Variants in BMERB1 observed in about 807,000 individuals in gnomAD.
The protein encoded by BMERB1 is bMERB domain-containing protein 1.
A neutral mutation model predicts 23.6 loss-of-function variants in BMERB1; 12 were observed. That is an observed-to-expected ratio of 0.51 (90% confidence interval 0.33 to 0.82). The LOEUF (loss-of-function observed/expected upper bound fraction) is 0.82. Ranked by LOEUF, BMERB1 falls within the 40% of genes least tolerant of loss-of-function variation. BMERB1 has a pLI of 0.03. For synonymous variants in BMERB1, 122 were observed against 96.6 expected (o/e 1.26, Z -1.54); for missense variants, 247 against 255.4 (o/e 0.97, Z 0.22).
intron 1 of BMERB1, among the ~76,000 whole-genome samples, chr16:15,461,697 T>C (rs1367921880): frequency 6.6e-6 from 1 of 151,238 alleles, no homozygotes; most frequent in Non-Finnish European, 1.5e-5. Context: ...ACAAGGCAGG[T>C]GGATTGCTTG....
At chr16:15,584,288 G>T in intron 5 of BMERB1, 1 of 433,792 alleles carries the variant, frequency 2.3e-6, no homozygotes, top group Non-Finnish European at 4.1e-6. Context: ...GGCTGGGCGC[G>T]GTGGCTCACG....
intron 1 of BMERB1, among the ~76,000 whole-genome samples, chr16:15,483,461 C>T (rs1324102430): frequency 6.6e-6 from 1 of 152,118 alleles, no homozygotes; most frequent in African/African-American, 2.4e-5. Context: ...CTCACTGCAA[C>T]CTCTGCCTCC....
chr16:15,514,374 A>C (rs923988767), intron 1 of BMERB1, among the ~76,000 whole-genome samples: 1 of 152,148 alleles, frequency 6.6e-6, no homozygotes, highest in African/African-American at 2.4e-5. Flanking sequence ...AGAGGCTTAG[A>C]CCACAGGGCA....
intron 1 of BMERB1, among the ~76,000 whole-genome samples, chr16:15,436,549 C>T (rs2150919017): frequency 6.6e-6 from 1 of 152,118 alleles, no homozygotes; most frequent in Non-Finnish European, 1.5e-5. Flanking sequence ...GTGAGGCACC[C>T]CACCTGCCCT....
chr16:15,516,982 C>G (rs543416211), intron 2 of BMERB1, among the ~76,000 whole-genome samples: 3 of 152,170 alleles, frequency 2.0e-5, no homozygotes, highest in African/African-American at 7.2e-5. Flanking sequence ...CCTTCCCTCT[C>G]GCCACATAAA....
At chr16:15,509,530 C>T (rs941879030) in intron 1 of BMERB1, among the ~76,000 whole-genome samples, 2 of 152,140 alleles carry the variant, frequency 1.3e-5, no homozygotes, top group African/African-American at 4.8e-5. Flanking sequence ...AGGAAAGTGA[C>T]GCAAAGACAT....
intron 2 of BMERB1, among the ~76,000 whole-genome samples, chr16:15,555,298 T>G (rs538467695): frequency 2.0e-5 from 3 of 152,250 alleles, no homozygotes; most frequent in African/African-American, 7.2e-5. Context: ...AATCTCGAAC[T>G]CCTGGACTCT....
intron 1 of BMERB1, among the ~76,000 whole-genome samples, chr16:15,465,203 A>G (rs1239484503): frequency 1.3e-5 from 2 of 152,136 alleles, no homozygotes; most frequent in Admixed American, 1.3e-4. Context: ...TCACTGGGGA[A>G]CATTGGGTGA....
intron 2 of BMERB1, among the ~76,000 whole-genome samples, chr16:15,527,606 AAAAAT>A (rs1248221799): frequency 4.6e-5 from 7 of 152,260 alleles, no homozygotes; most frequent in East Asian, 1.9e-4. Context: ...ATCCGTCTCA[AAAAAT>A]AAAATAAAAA....
At chr16:15,567,711 C>T (rs371147921) in intron 2 of BMERB1, among the ~76,000 whole-genome samples, 11 of 151,828 alleles carry the variant, frequency 7.2e-5, no homozygotes, top group African/African-American at 2.2e-4. Context: ...TGCGGTGAGC[C>T]GAGATCATGC....
rs192384218 is a variant in BMERB1, at chr16:15,580,596, A to G, written c.305-621A>G. 6.1e-3 allele frequency among the ~76,000 whole-genome samples: 871 copies of G among 143,298 alleles called. 12 individuals carry two copies. The highest frequency in any genetic ancestry group is 7.9e-3 in the Non-Finnish European group (524 of 66,640). 94.0% of individuals were successfully genotyped at this position (143,298 alleles called of 152,430 possible). On this transcript the variant is annotated intron_variant, in intron 3 of 5. Coordinates refer to ENST00000300006, the MANE Select transcript of BMERB1 (RefSeq NM_033201.3). ...AGAGTCTCGCTCTATCACCCAGGCT[A>G]GAGTGCAGTGGTGCGATCTCAGCTC...
At chr16:15,443,889 A>G (rs1193644034) in intron 1 of BMERB1, among the ~76,000 whole-genome samples, 4 of 152,018 alleles carry the variant, frequency 2.6e-5, no homozygotes, top group African/African-American at 4.8e-5. Context: ...TCTAGCCTGA[A>G]CAACAGAGCG....
chr16:15,444,142 T>TTTTTTTTTTTTTTTTTTTTTTTTTTTG (rs2050969572), intron 1 of BMERB1, among the ~76,000 whole-genome samples: 1 of 129,098 alleles, frequency 7.7e-6, no homozygotes, highest in Non-Finnish European at 1.7e-5. Context: ...TTTTTTTTTT[T>TTTTTTTTTTTTTTTTTTTTTTTTTTTG]TTTTTTTTGG....
At chr16:15,471,667 A>T (rs1304736853) in intron 1 of BMERB1, among the ~76,000 whole-genome samples, 5 of 151,854 alleles carry the variant, frequency 3.3e-5, no homozygotes, top group African/African-American at 1.2e-4. Context: ...CCTAGGTGAG[A>T]CTTGACCTCC....
intron 2 of BMERB1, among the ~76,000 whole-genome samples, chr16:15,517,883 ATGTG>A (rs1245049580): frequency 1.8e-5 from 2 of 110,740 alleles, no homozygotes; most frequent in East Asian, 2.3e-4. Context: ...GGGTGTGTGG[ATGTG>A]TGTGTGTGGA....
intron 2 of BMERB1, among the ~76,000 whole-genome samples, chr16:15,518,130 T>G (rs528607768): frequency 2.6e-5 from 4 of 152,322 alleles, no homozygotes; most frequent in African/African-American, 7.2e-5. Context: ...TAGCATTTCT[T>G]AAGAGGCAGC....
intron 1 of BMERB1, among the ~76,000 whole-genome samples, chr16:15,444,818 T>G (rs765851975): frequency 6.6e-5 from 10 of 152,198 alleles, no homozygotes; most frequent in Non-Finnish European, 1.5e-5. Flanking sequence ...TTTCACCTTT[T>G]TTTCCCCCAC....
chr16:15,496,697 C>T (rs1305846907), intron 1 of BMERB1, among the ~76,000 whole-genome samples: 1 of 152,124 alleles, frequency 6.6e-6, no homozygotes, highest in Non-Finnish European at 1.5e-5. Flanking sequence ...CGCCACCACG[C>T]CCGGCTAATT....
chr16:15,586,274 G>A (rs1413858357), intron 5 of BMERB1, among the ~76,000 whole-genome samples: 1 of 152,176 alleles, frequency 6.6e-6, no homozygotes, highest in East Asian at 1.9e-4. Flanking sequence ...CATTCTAGGA[G>A]ATAAAACAGA....
Sources: gnomAD v4.1 joint callset for allele counts (sites outside exome capture counted in the v4.1 genomes callset) on GRCh38, gnomAD v4.1.1 for gene constraint, MANE v1.5 for transcripts, NCBI Gene and HGNC (gene_info 2026-07-23, HGNC 2026-07-21) for gene names.